SMARCAD1: variants seen among roughly 807,000 people sequenced by gnomAD.
SMARCAD1 encodes the protein SNF2 related chromatin remodeling ATPase with DExD box 1.
A neutral mutation model predicts 127.1 loss-of-function variants in SMARCAD1; 25 were observed. The observed-to-expected ratio is 0.20, with a 90% CI of 0.14 to 0.27. SMARCAD1 has a LOEUF of 0.27. Ranked by LOEUF, SMARCAD1 falls within the 10% of genes least tolerant of loss-of-function variation. The pLI, the probability that SMARCAD1 is intolerant of heterozygous loss-of-function variation, is 1.00. For synonymous variants in SMARCAD1, 400 were observed against 396.9 expected (o/e 1.01, Z -0.09); for missense variants, 807 against 1,206.0 (o/e 0.67, Z 4.90).
chr4:94,259,172 G>T (rs1750576872), intron 9 of SMARCAD1, among the ~76,000 whole-genome samples: 1 of 152,180 alleles, frequency 6.6e-6, no homozygotes, highest in Non-Finnish European at 1.5e-5. Flanking sequence ...CTTCCTGCCG[G>T]TAGAAGGGTC....
chr4:94,227,393 CTG>C (rs897244094), intron 3 of SMARCAD1, among the ~76,000 whole-genome samples: 2 of 152,096 alleles, frequency 1.3e-5, no homozygotes, highest in African/African-American at 4.8e-5. Context: ...GTCTTAATGA[CTG>C]TGAGGGAGCA....
chr4:94,248,583 C>G, intron 6 of SMARCAD1: 1 of 455,002 alleles, frequency 2.2e-6, no homozygotes, highest in South Asian at 1.6e-5. Flanking sequence ...TGCTCAAAAT[C>G]CTGTTGCTTC....
chr4:94,257,316 A>G (rs1170313677), intron 9 of SMARCAD1, among the ~76,000 whole-genome samples: 5 of 152,182 alleles, frequency 3.3e-5, no homozygotes, highest in Non-Finnish European at 7.3e-5. Flanking sequence ...GATACCCACC[A>G]TTTAAGGTGT....
At chr4:94,270,134 G>C (rs1650717090) in intron 10 of SMARCAD1, among the ~76,000 whole-genome samples, 2 of 151,542 alleles carry the variant, frequency 1.3e-5, no homozygotes, top group Non-Finnish European at 2.9e-5. Flanking sequence ...GAACATCAGT[G>C]AGTAGAAAGT....
intron 23 of SMARCAD1, among the ~76,000 whole-genome samples, chr4:94,288,914 T>C (rs778429891): frequency 4.5e-4 from 69 of 152,302 alleles, no homozygotes; most frequent in South Asian, 1.2e-3. Context: ...TAAGTGCTTA[T>C]ACTGGGGCCT....
intron 19 of SMARCAD1, 152 bp from the exon 20 acceptor site, chr4:94,280,440 G>T (rs971399130): frequency 3.0e-5 from 20 of 659,256 alleles, no homozygotes; most frequent in Non-Finnish European, 4.8e-5. Flanking sequence ...ATACCTAAAA[G>T]ATTAATACTA....
intron 22 of SMARCAD1, among the ~76,000 whole-genome samples, chr4:94,284,337 AAAAAAAAAAAAAAAAAG>A (rs1239908909): frequency 9.7e-6 from 1 of 103,288 alleles, no homozygotes; most frequent in Non-Finnish European, 2.2e-5. Flanking sequence ...AAAAAAAAAA[AAAAAAAAAAAAAAAAAG>A]AAAAAAGTAA....
intron 6 of SMARCAD1, among the ~76,000 whole-genome samples, chr4:94,243,591 G>A (rs1747942369): frequency 6.6e-6 from 1 of 152,166 alleles, no homozygotes; most frequent in Admixed American, 6.5e-5. Context: ...TTTAAAATGT[G>A]AATTTATTCC....
chr4:94,272,045 G>GT (rs1752606152), intron 11 of SMARCAD1, among the ~76,000 whole-genome samples: 1 of 152,184 alleles, frequency 6.6e-6, no homozygotes, highest in Admixed American at 6.5e-5. Context: ...CAAGATGAGT[G>GT]TATCGGTAGC....
Position 94,289,908 on chromosome 4 carries a change from G to A in SMARCAD1, c.*374G>A, listed in dbSNP as rs1755470155. 2.2e-6 allele frequency: 1 copy of A among 455,590 alleles called. No homozygotes were observed. The highest frequency in any genetic ancestry group is 2.0e-5 in the African/African-American group (1 of 49,894). The allele number at this position is 455,590 out of a possible 1,614,324, so 28.2% of individuals were successfully genotyped here. On this transcript the variant is annotated 3_prime_UTR_variant, in exon 24 of 24. Transcript: ENST00000354268. ...TATTGTCTTTCACTGGATAATGTGT[G>A]TAGATTTTTACATGTGCCTTATTTG...
At position 94,280,699 on chromosome 4, in the gene SMARCAD1, C is replaced by T; in HGVS notation, c.2526C>T (p.Asn842=). ...GTAAACAGTACCGACACATTAATAA[C>T]TTTCAGTTAGACATGGACTTGATTT... ...VLCKQYRHIN[N]FQLDMDLILD... is the part of the protein sequence containing the mutation. The change falls in exon 20 of 24, where the codon AAC becomes AAT. Residue 842 remains asparagine (N), a synonymous_variant. Transcript: ENST00000354268. 1 of 1,613,734 alleles carries T rather than the reference C, an allele frequency of 6.2e-7. No homozygotes were observed. The highest frequency in any genetic ancestry group is 8.5e-7 in the Non-Finnish European group (1 of 1,179,844).
Position 94,270,694 on chromosome 4 carries a change from G to T in SMARCAD1, c.1482-34G>T, listed in dbSNP as rs1310062940. 6 of 1,528,710 alleles carry T rather than the reference G, an allele frequency of 3.9e-6. No individual in the cohort carries two copies. The South Asian group carries it at 5.6e-5, about 14-fold the overall frequency. 94.7% of individuals were successfully genotyped at this position (1,528,710 alleles called of 1,614,324 possible). ...CTAATAGAAAACTGATAGAAATATA[G>T]ATGTGTAATATTTGGTAACTCTCTC... On this transcript the variant is annotated intron_variant, in intron 10 of 23. Coordinates refer to ENST00000354268, the MANE Select transcript of SMARCAD1 (RefSeq NM_020159.5).
Position 94,290,854 on chromosome 4 carries a change from A to G in SMARCAD1, c.*1320A>G, listed in dbSNP as rs990705597. On this transcript the variant is annotated 3_prime_UTR_variant, in exon 24 of 24. Transcript: ENST00000354268. ...TAATTTTTGGAAATCATGCTTTTCA[A>G]AGCATCCTAACTTGCTAAGATGCTA... 2 of 444,554 alleles carry G rather than the reference A, an allele frequency of 4.5e-6. No individual in the cohort carries two copies. The highest frequency in any genetic ancestry group is 7.0e-4 in the Middle Eastern group (1 of 1,424). 27.5% of individuals were successfully genotyped at this position (444,554 alleles called of 1,614,324 possible). A position where few individuals can be genotyped will look rare whatever the true frequency, so the allele number is the denominator to read the frequency against.
chr4:94,208,947 C>T (rs1344422251), intron 2 of SMARCAD1, among the ~76,000 whole-genome samples: 2 of 152,124 alleles, frequency 1.3e-5, no homozygotes, highest in Non-Finnish European at 2.9e-5. Context: ...CCAGTATTCC[C>T]TCAAAATATT....
chr4:94,278,840 T>G, intron 18 of SMARCAD1, 89 bp from the exon 19 acceptor site: 1 of 1,600,496 alleles, frequency 6.2e-7, no homozygotes, highest in Non-Finnish European at 8.5e-7. Flanking sequence ...TTATCTGGAA[T>G]TTGAGGAAAT....
chr4:94,267,727 A>G (rs1157274299), intron 10 of SMARCAD1, among the ~76,000 whole-genome samples: 1 of 152,156 alleles, frequency 6.6e-6, no homozygotes, highest in East Asian at 1.9e-4. Context: ...TGAGAGATAA[A>G]AAATCTTCAG....
At chr4:94,211,570 AG>A (rs1280442447) in intron 2 of SMARCAD1, among the ~76,000 whole-genome samples, 1 of 152,232 alleles carries the variant, frequency 6.6e-6, no homozygotes, top group African/African-American at 2.4e-5. Flanking sequence ...AAACTAAGTC[AG>A]CTTACAGGAC....
intron 5 of SMARCAD1, 119 bp from the exon 6 acceptor site, chr4:94,240,787 G>A (rs1747459641): frequency 1.4e-6 from 1 of 725,958 alleles, no homozygotes; most frequent in South Asian, 1.5e-5. Context: ...CAAACACTGG[G>A]CCTGATATCA....
At chr4:94,282,027 G>A (rs910567718) in intron 21 of SMARCAD1, among the ~76,000 whole-genome samples, 8 of 150,654 alleles carry the variant, frequency 5.3e-5, no homozygotes, top group East Asian at 2.0e-4. Context: ...GTGACAGAGC[G>A]GGACCCTATC....
Sources: allele counts gnomAD v4.1 joint callset (sites outside exome capture counted in the v4.1 genomes callset), GRCh38; gene constraint gnomAD v4.1.1; transcripts MANE v1.5; gene names NCBI Gene and HGNC (gene_info 2026-07-23, HGNC 2026-07-21).